ANKRD6: variants seen among roughly 807,000 people sequenced by gnomAD.
ANKRD6 encodes ankyrin repeat domain 6, also known as ankyrin repeat domain-containing protein 6.
A neutral mutation model predicts 82.3 loss-of-function variants in ANKRD6; 56 were observed. The observed-to-expected ratio is 0.68, with a 90% CI of 0.55 to 0.85. The LOEUF is 0.85. Ranked by LOEUF, ANKRD6 falls within the 40% of genes least tolerant of loss-of-function variation. The probability of loss-of-function intolerance (pLI) is 0.00; values close to 1 mark genes in which losing one functional copy is unlikely to be tolerated. For missense variants in ANKRD6, 852 were observed against 907.6 expected (o/e 0.94, Z 0.79); for synonymous variants, 347 against 352.1 (o/e 0.99, Z 0.16).
chr6:89,576,057 CTT>C (rs1233357443), intron 2 of ANKRD6, among the ~76,000 whole-genome samples: 1 of 146,476 alleles, frequency 6.8e-6, no homozygotes. Flanking sequence ...AACTTTCTTT[CTT>C]TTTTTTTTTT....
intron 9 of ANKRD6, chr6:89,618,533 G>A (rs59734784): frequency 0.14 from 28,836 of 203,728 alleles, 2,475 homozygotes; most frequent in Non-Finnish European, 0.18. Flanking sequence ...ATGGTATTTT[G>A]ACCATCATTT....
At chr6:89,625,220 T>C (rs930578565) in intron 13 of ANKRD6, among the ~76,000 whole-genome samples, 55 of 152,042 alleles carry the variant, frequency 3.6e-4, no homozygotes, top group African/African-American at 1.3e-3. Context: ...GAGGTGGAGG[T>C]TGTAGTGAGC....
At chr6:89,625,937 G>A (rs934520934) in intron 13 of ANKRD6, among the ~76,000 whole-genome samples, 1 of 152,018 alleles carries the variant, frequency 6.6e-6, no homozygotes, top group African/African-American at 2.4e-5. Flanking sequence ...GTTTCACCAC[G>A]TTGGCTAGGC....
At position 89,492,750 on chromosome 6, in the gene ANKRD6, A is replaced by G. The variant is rs190735215; in HGVS notation, c.-144+59375A>G. Among the ~76,000 whole-genome samples the G allele has an allele frequency of 3.5e-3, 535 of 152,342 alleles. 4 individuals are homozygous for G. Among genetic ancestry groups the G allele is most frequent in the Non-Finnish European group, 5.5e-3 (372 of 68,016 alleles). ...CAGTCCATGCCTCTTTCAGAGATTC[A>G]CAACAGGCCCTCCCCATTCTAGAAG... On this transcript the variant is annotated intron_variant, in intron 1 of 15. Transcript: ENST00000339746.
rs1220087139 is a variant in ANKRD6 at position 89,630,843 on chromosome 6, GT to G, written c.2026del (p.Ser676LeufsTer30). On this transcript the variant is annotated frameshift_variant, in exon 16 of 16. Coordinates refer to ENST00000339746, the MANE Select transcript of ANKRD6 (RefSeq NM_001242809.2). LOFTEE classifies it high-confidence loss of function. ...GCTTACCCAGTATTTTTTTGAGGCT[GT>G]TTCTACCCAGATGGAAAAGTGGTAT... ...LELTQYFFEAVSTQMEKWYER... is the reference protein window; with the variant it reads ...LELTQYFFEAXSTQMEKWYER... 6.2e-7 allele frequency: 1 copy of G among 1,613,902 alleles called. No homozygotes were observed. Among genetic ancestry groups the G allele is most frequent in the Admixed American group, 1.7e-5 (1 of 60,016 alleles).
intron 1 of ANKRD6, among the ~76,000 whole-genome samples, chr6:89,564,641 G>GA (rs942175717): frequency 5.9e-5 from 9 of 152,148 alleles, no homozygotes; most frequent in African/African-American, 2.2e-4. Flanking sequence ...TGTGGAGCTT[G>GA]TGACCTCAAC....
rs536990104 is a variant in ANKRD6 at position 89,560,383 on chromosome 6, C to T, written c.-143-6451C>T. 7.9e-5 allele frequency among the ~76,000 whole-genome samples: 12 copies of T among 152,276 alleles called. No individual in the cohort carries two copies. In the East Asian group the frequency reaches 1.5e-3, roughly 20 times the overall value. The stretch of plus-strand genomic sequence containing the variant: ...CAGAGTACGTGTGCAAGCATGAGTG[C>T]GCTAATTCTATCAGATCAGGGCTCC... On this transcript the variant is annotated intron_variant, in intron 1 of 15. Transcript: ENST00000339746.
intron 1 of ANKRD6, among the ~76,000 whole-genome samples, chr6:89,434,713 C>T (rs1770410522): frequency 6.6e-6 from 1 of 152,168 alleles, no homozygotes; most frequent in African/African-American, 2.4e-5. Context: ...GTGTGAGCCA[C>T]TGTACTGGTC....
chr6:89,507,304 G>A (rs569099995), intron 1 of ANKRD6, among the ~76,000 whole-genome samples: 51 of 152,146 alleles, frequency 3.4e-4, no homozygotes, highest in Non-Finnish European at 6.3e-4. Context: ...TATTTGATAT[G>A]AACAGCAATT....
At chr6:89,448,759 G>A (rs1011023902) in intron 1 of ANKRD6, among the ~76,000 whole-genome samples, 3 of 152,078 alleles carry the variant, frequency 2.0e-5, no homozygotes, top group African/African-American at 4.8e-5. Context: ...GGCCGGGTGC[G>A]GTGGCTCACG....
At chr6:89,622,948 A>G (rs945293978) in intron 10 of ANKRD6, among the ~76,000 whole-genome samples, 1 of 136,412 alleles carries the variant, frequency 7.3e-6, no homozygotes, top group African/African-American at 2.7e-5. Flanking sequence ...GACCAGAAAT[A>G]TGATATTTTT....
At chr6:89,503,968 C>T (rs971987316) in intron 1 of ANKRD6, among the ~76,000 whole-genome samples, 8 of 151,952 alleles carry the variant, frequency 5.3e-5, no homozygotes, top group African/African-American at 1.7e-4. Flanking sequence ...GGGGAGCAGA[C>T]GCTGGAGGAC....
chr6:89,602,882 G>T (rs149470681), intron 3 of ANKRD6, 147 bp from the exon 4 acceptor site: 3 of 611,826 alleles, frequency 4.9e-6, no homozygotes. Context: ...AGCCCGCCTT[G>T]CCTGTGGTAA....
At chr6:89,541,729 C>A (rs139733151) in intron 1 of ANKRD6, among the ~76,000 whole-genome samples, 1 of 151,738 alleles carries the variant, frequency 6.6e-6, no homozygotes. Flanking sequence ...TATAGAAATA[C>A]TGTTGATTTT....
At chr6:89,513,467 A>G (rs922502544) in intron 1 of ANKRD6, among the ~76,000 whole-genome samples, 2 of 152,200 alleles carry the variant, frequency 1.3e-5, no homozygotes, top group East Asian at 1.9e-4. Context: ...GGAGAATCAT[A>G]TGGCATATCC....
At chr6:89,517,613 A>G (rs1398009394) in intron 1 of ANKRD6, among the ~76,000 whole-genome samples, 5 of 152,254 alleles carry the variant, frequency 3.3e-5, no homozygotes, top group African/African-American at 1.2e-4. Flanking sequence ...ATTTGGACCT[A>G]TAGTCCACAT....
At chr6:89,590,927 G>A (rs1432262412) in intron 2 of ANKRD6, among the ~76,000 whole-genome samples, 3 of 152,056 alleles carry the variant, frequency 2.0e-5, no homozygotes, top group Non-Finnish European at 1.5e-5. Context: ...TGCCTTCTAC[G>A]CAATAAATGG....
chr6:89,617,852 G>C, intron 8 of ANKRD6, 102 bp from the exon 9 acceptor site: 1 of 1,083,554 alleles, frequency 9.2e-7, no homozygotes, highest in Non-Finnish European at 1.4e-6. Context: ...GGGTGTGACT[G>C]GGTGTGGAAC....
chr6:89,627,605 T>C lies in ANKRD6; in HGVS notation c.1394T>C (p.Met465Thr), dbSNP rs774258402. The change falls in exon 14 of 16, where the codon ATG becomes ACG. Residue 465 changes from methionine (M) to threonine (T), a missense_variant. Met to Thr is a moderately conservative substitution (Grantham distance 81). Transcript: ENST00000339746. ...TAGATGCGTGTTTTGGACAAGCTGA[T>C]GGTTGAGCGACTTTCTGCAGAGAGG... ...QHQMRVLDKL[M>T]VERLSAERTE... 5 of 1,613,768 alleles carry C rather than the reference T, an allele frequency of 3.1e-6. No homozygotes were observed. Among genetic ancestry groups the C allele is most frequent in the Non-Finnish European group, 4.2e-6 (5 of 1,179,740 alleles).
Sources: gnomAD v4.1 joint callset for allele counts (sites outside exome capture counted in the v4.1 genomes callset) on GRCh38, gnomAD v4.1.1 for gene constraint, MANE v1.5 for transcripts, NCBI Gene and HGNC (gene_info 2026-07-23, HGNC 2026-07-21) for gene names.